Variants in RBFOX1 observed in about 807,000 individuals in gnomAD.
RBFOX1 encodes RNA binding fox-1 homolog 1, also known as RNA binding protein fox-1 homolog 1.
RBFOX1 carries 8 observed loss-of-function variants against 57.7 expected under a neutral mutation model. The ratio of observed to expected loss-of-function variants is 0.14; its 90% CI spans 0.08 to 0.25. The LOEUF (loss-of-function observed/expected upper bound fraction) is 0.25, where lower values mean the gene tolerates loss of function less well. Ranked by LOEUF, RBFOX1 falls within the 10% of genes least tolerant of loss-of-function variation. The probability of loss-of-function intolerance (pLI) is 1.00; values close to 1 mark genes in which losing one functional copy is unlikely to be tolerated. For synonymous variants in RBFOX1, 326 were observed against 222.4 expected, an observed-to-expected ratio of 1.47 and a Z score of -4.15; for missense variants, 611 against 548.5, an observed-to-expected ratio of 1.11 and a Z score of -1.14.
chr16:6,394,055 G>C (rs907621420), intron 2 of RBFOX1, among the ~76,000 whole-genome samples: 1 of 152,178 alleles, frequency 6.6e-6, no homozygotes, highest in Non-Finnish European at 1.5e-5. Context: ...AACATGCATA[G>C]CATCCTGCAA....
At chr16:5,886,441 C>T (rs989841897) in intron 4 of RBFOX1, among the ~76,000 whole-genome samples, 1 of 152,160 alleles carries the variant, frequency 6.6e-6, no homozygotes. Context: ...ATAACTTTGG[C>T]GTATGAATTC....
chr16:7,167,427 G>C (rs2079797033), intron 4 of RBFOX1, among the ~76,000 whole-genome samples: 1 of 152,052 alleles, frequency 6.6e-6, no homozygotes, highest in African/African-American at 2.4e-5. Context: ...ACTCAGAGGA[G>C]AAGGCCACGT....
chr16:7,004,892 G>A (rs74697952), intron 3 of RBFOX1, among the ~76,000 whole-genome samples: 4,757 of 152,222 alleles, frequency 0.031, 260 homozygotes, highest in African/African-American at 0.11. Context: ...ACTCACACCT[G>A]TAATTCCAGG....
intron 2 of RBFOX1, among the ~76,000 whole-genome samples, chr16:6,414,614 C>G (rs1338077690): frequency 1.3e-5 from 2 of 152,106 alleles, no homozygotes; most frequent in African/African-American, 2.4e-5. Context: ...AGCTTATATC[C>G]CACCCAAATA....
chr16:7,129,950 T>C (rs186895558), intron 4 of RBFOX1, among the ~76,000 whole-genome samples: 2 of 152,136 alleles, frequency 1.3e-5, no homozygotes, highest in East Asian at 3.9e-4. Context: ...GCTTCAAATC[T>C]CATTTGCCAG....
intron 1 of RBFOX1, among the ~76,000 whole-genome samples, chr16:6,074,969 C>G (rs1378514883): frequency 6.6e-6 from 1 of 152,058 alleles, no homozygotes; most frequent in Non-Finnish European, 1.5e-5. Context: ...AAAGAAGGGT[C>G]TGATTGGAGT....
chr16:6,158,926 A>G (rs149177925), intron 1 of RBFOX1, among the ~76,000 whole-genome samples: 2,391 of 149,152 alleles, frequency 0.016, 72 homozygotes, highest in African/African-American at 0.055. Context: ...TTTTTTTGAG[A>G]CAGTCTCTCT....
chr16:7,343,432 G>C (rs2096935271), intron 4 of RBFOX1, among the ~76,000 whole-genome samples: 2 of 152,142 alleles, frequency 1.3e-5, no homozygotes, highest in African/African-American at 4.8e-5. Flanking sequence ...AGTGGGATTT[G>C]GGAGCTGGTA....
intron 2 of RBFOX1, among the ~76,000 whole-genome samples, chr16:6,469,494 T>C (rs10521039): frequency 0.099 from 15,103 of 152,182 alleles, 901 homozygotes; most frequent in African/African-American, 0.14. Context: ...ACGTGCACTA[T>C]GCGAAAAAGA....
intron 3 of RBFOX1, among the ~76,000 whole-genome samples, chr16:6,734,529 A>G (rs1435890920): frequency 6.6e-6 from 1 of 152,102 alleles, no homozygotes; most frequent in Non-Finnish European, 1.5e-5. Context: ...GAATTCTCCC[A>G]AAGTACAAAT....
At chr16:6,831,194 G>A (rs138178814) in intron 3 of RBFOX1, among the ~76,000 whole-genome samples, 70 of 152,274 alleles carry the variant, frequency 4.6e-4, no homozygotes, top group Admixed American at 6.5e-4. Flanking sequence ...GAATGAGAGA[G>A]GAGACAACAC....
intron 2 of RBFOX1, among the ~76,000 whole-genome samples, chr16:6,395,603 A>T (rs1026839865): frequency 6.6e-6 from 1 of 152,052 alleles, no homozygotes; most frequent in Non-Finnish European, 1.5e-5. Flanking sequence ...TTATTACCTT[A>T]CTACAGATTC....
intron 3 of RBFOX1, among the ~76,000 whole-genome samples, chr16:5,857,629 A>T (rs2057105067): frequency 6.6e-6 from 1 of 152,180 alleles, no homozygotes; most frequent in Admixed American, 6.5e-5. Context: ...GTTGTTAGAC[A>T]GCTAGGTTGT....
At chr16:5,248,607 G>T (rs1405040572) in intron 1 of RBFOX1, among the ~76,000 whole-genome samples, 1 of 152,196 alleles carries the variant, frequency 6.6e-6, no homozygotes, top group Non-Finnish European at 1.5e-5. Context: ...GGAGCGCTTG[G>T]GGGGTGGTCT....
At chr16:5,395,345 A>C (rs1455147893) in intron 1 of RBFOX1, among the ~76,000 whole-genome samples, 1 of 152,100 alleles carries the variant, frequency 6.6e-6, no homozygotes, top group Admixed American at 6.5e-5. Flanking sequence ...GGATCGGAAG[A>C]TTTGTTTTTG....
intron 1 of RBFOX1, among the ~76,000 whole-genome samples, chr16:6,117,007 C>G (rs1359021806): frequency 2.0e-5 from 3 of 152,158 alleles, no homozygotes; most frequent in African/African-American, 7.2e-5. Flanking sequence ...TATTAAACAT[C>G]TAGTTCTGAA....
chr16:6,500,919 T>C (rs1732008447), intron 2 of RBFOX1, among the ~76,000 whole-genome samples: 1 of 103,274 alleles, frequency 9.7e-6, no homozygotes, highest in Non-Finnish European at 2.3e-5. Context: ...AGACATCCTC[T>C]GTCCCTTGTT....
intron 1 of RBFOX1, among the ~76,000 whole-genome samples, chr16:5,443,114 C>T (rs1000589038): frequency 6.6e-6 from 1 of 152,116 alleles, no homozygotes; most frequent in Non-Finnish European, 1.5e-5. Context: ...TTATTGTGGA[C>T]TTCTAGCCTC....
intron 4 of RBFOX1, among the ~76,000 whole-genome samples, chr16:5,913,684 A>C (rs897451043): frequency 1.3e-5 from 2 of 152,246 alleles, no homozygotes; most frequent in Admixed American, 6.5e-5. Flanking sequence ...AATGCAAAAC[A>C]GGCTAACACA....
Sources: gnomAD v4.1 joint callset for allele counts (sites outside exome capture counted in the v4.1 genomes callset) on GRCh38, gnomAD v4.1.1 for gene constraint, MANE v1.5 for transcripts, NCBI Gene and HGNC (gene_info 2026-07-23, HGNC 2026-07-21) for gene names.